TMEM131: variants seen among roughly 807,000 people sequenced by gnomAD.
TMEM131 encodes the protein 2610524E03Rik.
Under a neutral mutation model 211.6 loss-of-function variants are expected in TMEM131, and 66 were observed. The ratio of observed to expected loss-of-function variants is 0.31; its 90% confidence interval spans 0.26 to 0.38. TMEM131 has a LOEUF of 0.38. TMEM131 is among the 10% of genes least tolerant of loss of function. TMEM131 has a pLI of 1.00. For synonymous variants in TMEM131, 844 were observed against 841.3 expected (o/e 1.00, Z -0.06); for missense variants, 2,036 against 2,299.3 (o/e 0.89, Z 2.34).
At chr2:97,819,041 A>AGTG (rs996870764) in intron 11 of TMEM131, among the ~76,000 whole-genome samples, 5 of 152,372 alleles carry the variant, frequency 3.3e-5, no homozygotes, top group South Asian at 2.1e-4. Flanking sequence ...TTCACACACC[A>AGTG]GTGGAGGCGA....
At chr2:97,984,052 C>T (rs1195118458) in intron 1 of TMEM131, among the ~76,000 whole-genome samples, 1 of 152,154 alleles carries the variant, frequency 6.6e-6, no homozygotes, top group Non-Finnish European at 1.5e-5. Flanking sequence ...TACCCCTCTG[C>T]CTAACACATA....
chr2:97,788,392 C>T (rs1051410281), intron 31 of TMEM131, among the ~76,000 whole-genome samples: 6 of 152,202 alleles, frequency 3.9e-5, no homozygotes, highest in African/African-American at 1.4e-4. Flanking sequence ...CTACCACTTC[C>T]CCCAGCAGTC....
chr2:97,987,680 C>T (rs1473092600), intron 1 of TMEM131, among the ~76,000 whole-genome samples: 1 of 152,066 alleles, frequency 6.6e-6, no homozygotes, highest in South Asian at 2.1e-4. Flanking sequence ...ATTAATGATA[C>T]ACTGATTAAA....
chr2:97,870,236 G>T (rs1674437442), intron 4 of TMEM131, among the ~76,000 whole-genome samples: 1 of 152,170 alleles, frequency 6.6e-6, no homozygotes, highest in Non-Finnish European at 1.5e-5. Context: ...ATTGGTGTTT[G>T]ATTGAATAAT....
intron 5 of TMEM131, among the ~76,000 whole-genome samples, chr2:97,857,520 A>C (rs1673897435): frequency 6.6e-6 from 1 of 152,250 alleles, no homozygotes; most frequent in Non-Finnish European, 1.5e-5. Flanking sequence ...CAAAAAGTTA[A>C]CAAGTTAGAA....
intron 3 of TMEM131, among the ~76,000 whole-genome samples, chr2:97,888,628 C>G (rs566999271): frequency 1.3e-5 from 2 of 152,314 alleles, no homozygotes; most frequent in Non-Finnish European, 2.9e-5. Flanking sequence ...TAGAACTGAT[C>G]TCTGATGTCC....
rs746644929 is a variant in TMEM131, at chr2:97,815,224, G to A, written c.1267C>T (p.Pro423Ser). The A allele has an allele frequency of 1.6e-5, 25 of 1,556,494 alleles. No homozygotes were observed. The South Asian group carries it at 2.9e-4, about 18-fold the overall frequency. Residue 423 changes from proline to serine, a missense_variant, in exon 13 of 41, where the codon CCA becomes TCA. This residue lies in a region of TMEM131 where 1,623 missense variants were observed against 1,805.9 expected (regional missense o/e 0.90). Transcript: ENST00000186436. Reference sequence around the variant, plus strand: ...CCATCTAAAACTTCTGCTTGATATGGTATTTCAAGTTTAGAATAACTCTTT... The same window carrying A: ...CCATCTAAAACTTCTGCTTGATATGATATTTCAAGTTTAGAATAACTCTTT... ...KEKSYSKLEI[P>S]YQAEVLDGYL...
intron 31 of TMEM131, among the ~76,000 whole-genome samples, chr2:97,778,169 G>C (rs1323620576): frequency 6.6e-6 from 1 of 152,166 alleles, no homozygotes; most frequent in Non-Finnish European, 1.5e-5. Context: ...AATATGAAAT[G>C]GCTGGAAATG....
intron 4 of TMEM131, among the ~76,000 whole-genome samples, chr2:97,881,575 TAC>T (rs1474880033): frequency 6.6e-6 from 1 of 151,890 alleles, no homozygotes; most frequent in Non-Finnish European, 1.5e-5. Context: ...GCCCTCCTGT[TAC>T]AGAGTAAAAC....
chr2:97,877,146 AG>A (rs1248048915), intron 4 of TMEM131, among the ~76,000 whole-genome samples: 2 of 152,198 alleles, frequency 1.3e-5, no homozygotes, highest in Admixed American at 1.3e-4. Context: ...CCAACTAACA[AG>A]GGATGTGAAG....
chr2:97,796,302 T>C lies in TMEM131; in HGVS notation c.3116A>G (p.Tyr1039Cys), dbSNP rs1680759673. The change falls in exon 28 of 41, where the codon TAC becomes TGC. Residue 1039 changes from tyrosine (Y) to cysteine (C), a missense_variant. Coordinates refer to ENST00000186436, the MANE Select transcript of TMEM131 (RefSeq NM_015348.2). Reference sequence around the variant, plus strand: ...TTTAAAGCCATATCCTTCACATGAGTATCCACTGATTTCAATGGTTTCTAT... The same window carrying C: ...TTTAAAGCCATATCCTTCACATGAGCATCCACTGATTTCAATGGTTTCTAT... ...IHIETIEISGYSCEGYGFKVV... is the reference protein window; with the variant it reads ...IHIETIEISGCSCEGYGFKVV... 1.9e-6 allele frequency: 3 copies of C among 1,564,512 alleles called. No homozygotes were observed. The highest frequency in any genetic ancestry group is 2.6e-6 in the Non-Finnish European group (3 of 1,154,378).
intron 7 of TMEM131, among the ~76,000 whole-genome samples, chr2:97,839,484 GAC>G (rs1020947016): frequency 6.6e-6 from 1 of 152,146 alleles, no homozygotes; most frequent in African/African-American, 2.4e-5. Context: ...CTAGGAACCT[GAC>G]ACATTCTTTA....
intron 1 of TMEM131, among the ~76,000 whole-genome samples, chr2:97,967,349 C>T (rs1181267496): frequency 6.6e-6 from 1 of 152,096 alleles, no homozygotes; most frequent in East Asian, 1.9e-4. Flanking sequence ...AAGGACCCAG[C>T]AGTGTACTGA....
chr2:97,886,793 C>T (rs1381045708), intron 4 of TMEM131, among the ~76,000 whole-genome samples: 1 of 152,182 alleles, frequency 6.6e-6, no homozygotes, highest in Non-Finnish European at 1.5e-5. Context: ...CCAGGAGTAG[C>T]CCAAAGGGCT....
intron 4 of TMEM131, among the ~76,000 whole-genome samples, chr2:97,869,647 C>T (rs939411032): frequency 3.3e-5 from 5 of 152,138 alleles, no homozygotes; most frequent in East Asian, 3.9e-4. Context: ...GCAAAGGGAG[C>T]GGGCACTCCT....
chr2:97,801,930 A>G lies in TMEM131; in HGVS notation c.2683T>C (p.Leu895=), dbSNP rs748922592. The change falls in exon 25 of 41, where the codon TTG becomes CTG. Residue 895 remains leucine, a synonymous_variant. Coordinates refer to ENST00000186436, the MANE Select transcript of TMEM131 (RefSeq NM_015348.2). ...FNLSKVAKID[L]RTLEFQVFRN... ...AAGACTTGAAATTCTAGTGTTCTCA[A>G]ATCTATCTTTGCCACCTTACTCAAG... 6.2e-7 allele frequency: 1 copy of G among 1,608,638 alleles called. No individual in the cohort carries two copies. Among genetic ancestry groups the G allele is most frequent in the Non-Finnish European group, 8.5e-7 (1 of 1,177,534 alleles).
chr2:97,989,980 C>T lies in TMEM131; in HGVS notation c.187+5496G>A, dbSNP rs114903638. Among the ~76,000 whole-genome samples the T allele has an allele frequency of 6.4e-3, 979 of 152,318 alleles. 4 individuals carry two copies. The highest frequency in any genetic ancestry group is 0.012 in the Non-Finnish European group (786 of 68,028). On this transcript the variant is annotated intron_variant, in intron 1 of 40. Transcript: ENST00000186436. ...AAGTCTGCGAGAGATTTCTGCCTGC[C>T]GAGGCAAATGCCACTACCAGCCCTT...
chr2:97,872,490 A>G (rs1162466642), intron 4 of TMEM131, among the ~76,000 whole-genome samples: 2 of 152,136 alleles, frequency 1.3e-5, no homozygotes, highest in Non-Finnish European at 2.9e-5. Flanking sequence ...ATGGCCGAAC[A>G]GGAACAGCTC....
intron 7 of TMEM131, among the ~76,000 whole-genome samples, chr2:97,838,648 T>A (rs1229463356): frequency 6.6e-6 from 1 of 152,132 alleles, no homozygotes; most frequent in East Asian, 1.9e-4. Flanking sequence ...TTTCACCATG[T>A]TGGTCAGGCT....
Sources: gnomAD v4.1 joint callset for allele counts (sites outside exome capture counted in the v4.1 genomes callset) on GRCh38, gnomAD v4.1.1 for gene constraint, gnomAD v4.1.1 regional missense constraint, MANE v1.5 for transcripts, NCBI Gene and HGNC (gene_info 2026-07-23, HGNC 2026-07-21) for gene names.